DNAJC11: variants seen among roughly 807,000 people sequenced by gnomAD.
DNAJC11 encodes the protein dnaJ homolog subfamily C member 11.
Under a neutral mutation model 78.6 loss-of-function variants are expected in DNAJC11, and 15 were observed. That is an observed-to-expected ratio of 0.19 (90% CI 0.13 to 0.29). The LOEUF (loss-of-function observed/expected upper bound fraction) is 0.29, where lower values mean the gene tolerates loss of function less well. DNAJC11 is among the 10% of genes least tolerant of loss of function. The probability of loss-of-function intolerance (pLI) is 1.00; values close to 1 mark genes in which losing one functional copy is unlikely to be tolerated. For missense variants in DNAJC11, 547 were observed against 709.6 expected, an observed-to-expected ratio of 0.77 and a Z score of 2.60; for synonymous variants, 292 against 272.1, an observed-to-expected ratio of 1.07 and a Z score of -0.72.
At chr1:6,699,681 C>T (rs1198110421) in intron 1 of DNAJC11, among the ~76,000 whole-genome samples, 1 of 152,056 alleles carries the variant, frequency 6.6e-6, no homozygotes, top group Non-Finnish European at 1.5e-5. Flanking sequence ...TGCAGCAAAC[C>T]ACCATGGCTC....
chr1:6,642,109 T>C (rs1209996246), intron 10 of DNAJC11, among the ~76,000 whole-genome samples: 1 of 152,050 alleles, frequency 6.6e-6, no homozygotes, highest in Non-Finnish European at 1.5e-5. Context: ...GGAGGGGGCC[T>C]GGTGTGTGCC....
Position 6,684,515 on chromosome 1 carries a change from CAA to C in DNAJC11, c.73-3480_73-3479del, listed in dbSNP as rs368012575. 1.5e-4 allele frequency among the ~76,000 whole-genome samples: 23 copies of C among 152,260 alleles called. No homozygotes were observed. In the East Asian group the frequency reaches 1.7e-3, roughly 11 times the overall value. On this transcript the variant is annotated intron_variant, in intron 1 of 15. Coordinates refer to ENST00000377577, the MANE Select transcript of DNAJC11 (RefSeq NM_018198.4). ...TGGTTATTAAAATTAAACTAGATGACAAGAGAGTAGAATATCTACTCTGCAAG... is the reference window on the plus strand; with the variant it reads ...TGGTTATTAAAATTAAACTAGATGACGAGAGTAGAATATCTACTCTGCAAG...
chr1:6,647,635 T>C (rs540521758), intron 7 of DNAJC11, among the ~76,000 whole-genome samples: 1 of 151,846 alleles, frequency 6.6e-6, no homozygotes, highest in South Asian at 2.1e-4. Context: ...CTGGCCAACA[T>C]GGTGAAACCC....
intron 4 of DNAJC11, among the ~76,000 whole-genome samples, chr1:6,654,781 CTTTTT>C (rs3062933): frequency 2.6e-4 from 37 of 141,834 alleles, no homozygotes; most frequent in South Asian, 1.3e-3. Context: ...GCTAGCTTTT[CTTTTT>C]TTTTTTTTTT....
intron 3 of DNAJC11, among the ~76,000 whole-genome samples, chr1:6,675,289 G>GA (rs755060430): frequency 0.015 from 1,783 of 117,790 alleles, 21 homozygotes; most frequent in African/African-American, 0.046. Context: ...GTATCCACAT[G>GA]AAAAAAAAAA....
chr1:6,637,170 T>C (rs201706649), intron 14 of DNAJC11, 28 bp downstream of exon 14: 111 of 1,613,514 alleles, frequency 6.9e-5, no homozygotes, highest in African/African-American at 4.0e-5. Flanking sequence ...TGTGAGCACA[T>C]AGCATGTGGT....
chr1:6,658,090 G>A (rs1015279805), intron 4 of DNAJC11, among the ~76,000 whole-genome samples: 3 of 152,164 alleles, frequency 2.0e-5, no homozygotes, highest in Non-Finnish European at 2.9e-5. Context: ...TCTGTGCATC[G>A]ATACTCCTCA....
chr1:6,663,518 T>G (rs1314163660), intron 4 of DNAJC11, among the ~76,000 whole-genome samples: 1 of 152,206 alleles, frequency 6.6e-6, no homozygotes, highest in Non-Finnish European at 1.5e-5. Context: ...AACGACACTG[T>G]TACATGATCT....
intron 3 of DNAJC11, chr1:6,668,303 AT>A (rs893321622): frequency 8.5e-5 from 13 of 152,196 alleles, no homozygotes; most frequent in East Asian, 1.9e-4. Flanking sequence ...CCCCTGGCTA[AT>A]TTTTTTTTGT....
At position 6,645,069 on chromosome 1, in the gene DNAJC11, C is replaced by A. The variant is rs374605581; in HGVS notation, c.952G>T (p.Asp318Tyr). The A allele has an allele frequency of 4.3e-6, 7 of 1,613,894 alleles. No individual in the cohort carries two copies. Among genetic ancestry groups the A allele is most frequent in the Non-Finnish European group, 5.9e-6 (7 of 1,179,976 alleles). ...ISYQHKFQDD[D>Y]QTRVKGSLKA... Reference sequence around the variant, plus strand: ...AGGGATCCTTTCACACGAGTCTGATCGTCATCTTGGAATTTGTGCTGATAG... The same window carrying A: ...AGGGATCCTTTCACACGAGTCTGATAGTCATCTTGGAATTTGTGCTGATAG... Residue 318 changes from aspartate to tyrosine, a missense_variant, in exon 9 of 16, where the codon GAT (aspartate) becomes TAT (tyrosine). Transcript: ENST00000377577. This position sits in a 1 kb window ranked among gnomAD's most constrained non-coding sequence, Gnocchi z 4.1.
At chr1:6,642,666 CCT>C (rs1400662125) in intron 10 of DNAJC11, among the ~76,000 whole-genome samples, 3 of 151,960 alleles carry the variant, frequency 2.0e-5, no homozygotes, top group African/African-American at 7.3e-5. Context: ...CAAGTGAGAC[CCT>C]GTCTCTATAA....
In DNAJC11 at chr1:6,645,041, T is replaced by C; in HGVS notation, c.980A>G (p.Lys327Arg). The part of the protein sequence containing the change: ...DDQTRVKGSL[K>R]AGFFGTVVEY... ...CCATTTTAGCCAGGCCAGGACTTAC[T>C]TGAGGGATCCTTTCACACGAGTCTG... The change falls in exon 9 of 16, where the codon AAA becomes AGA. Residue 327 changes from lysine (K) to arginine (R), a missense_variant and splice_region_variant. By Grantham distance (26) the Lys-to-Arg change is conservative. Coordinates refer to ENST00000377577, the MANE Select transcript of DNAJC11 (RefSeq NM_018198.4). The surrounding 1 kb of genome is among the most constrained non-coding windows in gnomAD (Gnocchi z 4.1). 1 of 1,613,988 alleles carries C rather than the reference T, an allele frequency of 6.2e-7. No individual in the cohort carries two copies. The highest frequency in any genetic ancestry group is 8.5e-7 in the Non-Finnish European group (1 of 1,179,880).
chr1:6,673,253 G>A (rs1010282843), intron 3 of DNAJC11, among the ~76,000 whole-genome samples: 1 of 138,226 alleles, frequency 7.2e-6, no homozygotes, highest in Non-Finnish European at 1.5e-5. Flanking sequence ...AGGAGTTCCA[G>A]ACCAACCCGG....
chr1:6,692,436 C>G (rs1433610995), intron 1 of DNAJC11, among the ~76,000 whole-genome samples: 2 of 151,446 alleles, frequency 1.3e-5, no homozygotes, highest in Non-Finnish European at 2.9e-5. Flanking sequence ...ACCCCAAACA[C>G]CCAAAAAATG....
intron 3 of DNAJC11, among the ~76,000 whole-genome samples, chr1:6,674,980 T>C (rs111466013): frequency 1.0e-3 from 158 of 152,280 alleles, no homozygotes; most frequent in African/African-American, 3.6e-3. Flanking sequence ...TTTAACAGTC[T>C]AAAAATACCA....
rs951764083 is a variant in DNAJC11 at position 6,674,936 on chromosome 1, T to C, written c.276+3458A>G. ...TACCCATATGGTAGCCTAATAAATA[T>C]GTGGTAAATGGATACCCTTCAGCAA... On this transcript the variant is annotated intron_variant, in intron 3 of 15. Transcript: ENST00000377577. Among the ~76,000 whole-genome samples the C allele has an allele frequency of 2.0e-5, 3 of 152,262 alleles. 1 individual carries two copies. The Middle Eastern group carries it at 0.01, about 518-fold the overall frequency.
chr1:6,668,093 A>G (rs1158883374), intron 3 of DNAJC11: 1 of 358,984 alleles, frequency 2.8e-6, no homozygotes, highest in African/African-American at 2.1e-5. Flanking sequence ...CTTATCTCTG[A>G]GGCTGCAGAA....
intron 1 of DNAJC11, among the ~76,000 whole-genome samples, chr1:6,689,590 C>T (rs1367936928): frequency 6.6e-6 from 1 of 152,040 alleles, no homozygotes; most frequent in African/African-American, 2.4e-5. Flanking sequence ...GAGTTCCAGA[C>T]CAGCTTGACC....
At chr1:6,641,408 C>CAT (rs1641875813) in intron 10 of DNAJC11, among the ~76,000 whole-genome samples, 1 of 129,198 alleles carries the variant, frequency 7.7e-6, no homozygotes, top group Non-Finnish European at 1.6e-5. Context: ...TATATATATA[C>CAT]ACACACACAC....
Sources: gnomAD v4.1 joint callset for allele counts (sites outside exome capture counted in the v4.1 genomes callset) on GRCh38, gnomAD v4.1.1 for gene constraint, Gnocchi (gnomAD v3.1) non-coding constraint, MANE v1.5 for transcripts, NCBI Gene and HGNC (gene_info 2026-07-23, HGNC 2026-07-21) for gene names.